Variants in ADARB2 observed in about 807,000 individuals in gnomAD.
The protein encoded by ADARB2 is adenosine deaminase RNA specific B2 (inactive), also known as inactive double-stranded RNA-specific editase B2.
Under a neutral mutation model 62.2 loss-of-function variants are expected in ADARB2, and 25 were observed. That is an observed-to-expected ratio of 0.40 (90% CI 0.29 to 0.56). ADARB2 has a LOEUF of 0.56. ADARB2 is among the 20% of genes least tolerant of loss of function. The pLI, the probability that ADARB2 is intolerant of heterozygous loss-of-function variation, is 0.43. For missense variants in ADARB2, 1,071 were observed against 1,077.4 expected (o/e 0.99, Z 0.08); for synonymous variants, 572 against 500.8 (o/e 1.14, Z -1.90).
chr10:1,452,667 G>C (rs1368611500), intron 1 of ADARB2, among the ~76,000 whole-genome samples: 4 of 151,714 alleles, frequency 2.6e-5, no homozygotes, highest in Non-Finnish European at 4.4e-5. Context: ...TGGGGGATAG[G>C]GGAGGGACAG....
At chr10:1,197,537 GC>G (rs1243012946) in intron 8 of ADARB2, among the ~76,000 whole-genome samples, 1 of 152,248 alleles carries the variant, frequency 6.6e-6, no homozygotes, top group African/African-American at 2.4e-5. Flanking sequence ...GAGGAAGACA[GC>G]CCGTGCTCTC....
At chr10:1,214,083 A>C (rs1183843864) in intron 7 of ADARB2, among the ~76,000 whole-genome samples, 1 of 133,090 alleles carries the variant, frequency 7.5e-6, no homozygotes, top group African/African-American at 2.9e-5. Context: ...ATAGGTTTGC[A>C]CCTGTGTCCA....
chr10:1,332,483 T>TTTTC (rs1328912804), intron 3 of ADARB2, among the ~76,000 whole-genome samples: 1 of 132,840 alleles, frequency 7.5e-6, no homozygotes, highest in Non-Finnish European at 1.7e-5. Context: ...TCAGTTTTGT[T>TTTTC]TTTTTTTTTT....
At chr10:1,211,197 TC>T (rs1365795364) in intron 7 of ADARB2, among the ~76,000 whole-genome samples, 1 of 151,690 alleles carries the variant, frequency 6.6e-6, no homozygotes, top group Non-Finnish European at 1.5e-5. Context: ...TCATCTATCA[TC>T]TATCATTATC....
rs569770564 is a variant in ADARB2, at chr10:1,450,170, G to A, written c.101-71010C>T. 2.7e-3 allele frequency among the ~76,000 whole-genome samples: 406 copies of A among 152,334 alleles called. 1 individual carries two copies. Among genetic ancestry groups the A allele is most frequent in the South Asian group, 0.016 (79 of 4,826 alleles). ...TCCCCACGCTCCCGTCGAGAGGGAG[G>A]GAGGAATTCCTCCTGCATAGCCCTG... On this transcript the variant is annotated intron_variant, in intron 1 of 9. Coordinates refer to ENST00000381312, the MANE Select transcript of ADARB2 (RefSeq NM_018702.4).
rs374003210 is a variant in ADARB2, at chr10:1,232,565, ATG to A, written c.1513+1127_1513+1128del. Among the ~76,000 whole-genome samples, 249 of 138,822 alleles carry A rather than the reference ATG, an allele frequency of 1.8e-3. 1 individual carries two copies. The highest frequency in any genetic ancestry group is 5.7e-3 in the African/African-American group (207 of 36,390). 91.1% of individuals were successfully genotyped at this position (138,822 alleles called of 152,430 possible). On this transcript the variant is annotated intron_variant, in intron 6 of 9. Coordinates refer to ENST00000381312, the MANE Select transcript of ADARB2 (RefSeq NM_018702.4). ...GGTATGTGTGTGTGGTGTATGTGCT[ATG>A]TGTGTGGTGTGTGGTATGCATGTGG...
intron 3 of ADARB2, among the ~76,000 whole-genome samples, chr10:1,323,119 G>C (rs918643686): frequency 6.6e-6 from 1 of 151,984 alleles, no homozygotes; most frequent in African/African-American, 2.4e-5. Flanking sequence ...TTTTTGTTTT[G>C]TGAAATGAAT....
At chr10:1,672,443 T>C (rs891352579) in intron 1 of ADARB2, among the ~76,000 whole-genome samples, 2 of 152,192 alleles carry the variant, frequency 1.3e-5, no homozygotes, top group African/African-American at 4.8e-5. Context: ...GCGGGCATAC[T>C]GAGAAGGAAA....
rs150435849 is a variant in ADARB2, at chr10:1,729,912, C to T, written c.100+7139G>A. 4.3e-4 allele frequency among the ~76,000 whole-genome samples: 65 copies of T among 152,284 alleles called. No homozygotes were observed. In the East Asian group the frequency reaches 0.01, roughly 24 times the overall value. On this transcript the variant is annotated intron_variant, in intron 1 of 9. Transcript: ENST00000381312. ...ATGATGAGGCAGAGCTTCTGTCTGT[C>T]GGCAGTGGGAAACAAGAATCAAAGA... is the stretch of plus-strand genomic sequence containing the variant.
At chr10:1,527,856 G>A (rs1006708527) in intron 1 of ADARB2, among the ~76,000 whole-genome samples, 2 of 152,172 alleles carry the variant, frequency 1.3e-5, no homozygotes, top group Non-Finnish European at 2.9e-5. Context: ...GGGAGAAGCC[G>A]ATGAGGGATG....
chr10:1,207,592 GC>G (rs2131746725), intron 7 of ADARB2, among the ~76,000 whole-genome samples: 1 of 152,318 alleles, frequency 6.6e-6, no homozygotes, highest in African/African-American at 2.4e-5. Flanking sequence ...GGAACATTGA[GC>G]AGCTGATCTC....
At chr10:1,433,170 GAA>G (rs1157966714) in intron 1 of ADARB2, among the ~76,000 whole-genome samples, 1 of 152,190 alleles carries the variant, frequency 6.6e-6, no homozygotes, top group African/African-American at 2.4e-5. Flanking sequence ...GTCATGCAAG[GAA>G]AGGCGAAGCT....
At chr10:1,527,639 C>G (rs1832166042) in intron 1 of ADARB2, among the ~76,000 whole-genome samples, 1 of 152,150 alleles carries the variant, frequency 6.6e-6, no homozygotes, top group African/African-American at 2.4e-5. Flanking sequence ...ATATACATAA[C>G]AGGATGATTA....
intron 2 of ADARB2, 61 bp downstream of exon 2, chr10:1,379,013 G>A: frequency 6.8e-7 from 1 of 1,471,140 alleles, no homozygotes; most frequent in Middle Eastern, 1.8e-4. Context: ...GGGACTGCAG[G>A]GGACCCCTGC....
chr10:1,520,110 A>G (rs1420621101), intron 1 of ADARB2, among the ~76,000 whole-genome samples: 3 of 152,236 alleles, frequency 2.0e-5, no homozygotes, highest in Non-Finnish European at 4.4e-5. Context: ...AGTAGAATAA[A>G]TATCCAACAA....
At chr10:1,525,775 TTGTG>T (rs1209993965) in intron 1 of ADARB2, among the ~76,000 whole-genome samples, 2 of 151,606 alleles carry the variant, frequency 1.3e-5, no homozygotes. Flanking sequence ...GCTCATGTGC[TTGTG>T]TGTTTATGTG....
intron 7 of ADARB2, among the ~76,000 whole-genome samples, chr10:1,204,949 C>T (rs957869223): frequency 2.6e-5 from 4 of 152,256 alleles, no homozygotes; most frequent in Non-Finnish European, 5.9e-5. Context: ...CTCAACGTGA[C>T]TGTGACATCC....
chr10:1,699,996 A>C (rs868149678), intron 1 of ADARB2, among the ~76,000 whole-genome samples: 8 of 10,070 alleles, frequency 7.9e-4, no homozygotes, highest in Admixed American at 1.3e-3. Flanking sequence ...ACCAGGCGCT[A>C]GTCAATACAC....
intron 2 of ADARB2, among the ~76,000 whole-genome samples, chr10:1,365,010 T>C (rs570585519): frequency 7.2e-5 from 11 of 151,992 alleles, no homozygotes; most frequent in African/African-American, 2.7e-4. Flanking sequence ...GTAGCTGGGA[T>C]TACAGGCACC....
Sources: gnomAD v4.1 joint callset for allele counts (sites outside exome capture counted in the v4.1 genomes callset) on GRCh38, gnomAD v4.1.1 for gene constraint, MANE v1.5 for transcripts, NCBI Gene and HGNC (gene_info 2026-07-23, HGNC 2026-07-21) for gene names.